NLE1: variants seen among roughly 807,000 people sequenced by gnomAD.
NLE1 encodes the protein notchless homolog 1, also known as notchless protein homolog 1.
Under a neutral mutation model 62.8 loss-of-function variants are expected in NLE1, and 37 were observed. The observed-to-expected ratio is 0.59, with a 90% CI of 0.45 to 0.78. The LOEUF (loss-of-function observed/expected upper bound fraction) is 0.78. Among genes scored for constraint, NLE1 ranks in the 30% least tolerant of loss-of-function variants. The probability of loss-of-function intolerance (pLI) is 0.00; values close to 1 mark genes in which losing one functional copy is unlikely to be tolerated. For synonymous variants in NLE1, 243 were observed against 253.0 expected (o/e 0.96, Z 0.37); for missense variants, 555 against 637.9 (o/e 0.87, Z 1.40).
chr17:35,136,992 A>G lies in NLE1; in HGVS notation c.828+9T>C. The G allele has an allele frequency of 6.3e-7, 1 of 1,586,766 alleles. No homozygotes were observed. The highest frequency in any genetic ancestry group is 8.6e-7 in the Non-Finnish European group (1 of 1,160,096). On this transcript the variant is annotated intron_variant, in intron 7 of 12. Coordinates refer to ENST00000442241, the MANE Select transcript of NLE1 (RefSeq NM_018096.5). ...TCTGGACTGGTTTCTGAACCCTCCC[A>G]GCACTTACGTCATGAGCTCTCCAGA...
Position 35,135,361 on chromosome 17 carries a change from TC to T in NLE1, c.1101del (p.Met368Ter). 1 of 1,614,184 alleles carries T rather than the reference TC, an allele frequency of 6.2e-7. No homozygotes were observed. Among genetic ancestry groups the T allele is most frequent in the Non-Finnish European group, 8.5e-7 (1 of 1,180,036 alleles). On this transcript the variant is annotated frameshift_variant, in exon 10 of 13. Transcript: ENST00000442241. LOFTEE classifies it high-confidence loss of function. ...TTGATGAGAGCTTGGTGTCCTGTCA[TC>T]CGAGTGAGAGGCTTTTTGTCCTCTG... ...SPAEDKKPLT[R>X]MTGHQALINQ...
rs1225821714 is a variant in NLE1 at position 35,142,281 on chromosome 17, GT to G, written c.-7del. The G allele has an allele frequency of 7.1e-6, 11 of 1,540,136 alleles. No individual in the cohort carries two copies. The highest frequency in any genetic ancestry group is 2.0e-5 in the Admixed American group (1 of 50,068). On this transcript the variant is annotated 5_prime_UTR_variant, in exon 1 of 13. Transcript: ENST00000442241. ...ACCGGCACTGCTGCCGCCATCCTGC[GT>G]CCCCACGTGGAGGAGAAAGAGCCCG... is the stretch of plus-strand genomic sequence containing the variant.
chr17:35,129,612 G>A lies in NLE1; in HGVS notation c.*2825C>T, dbSNP rs34615886. 2,374 of 1,614,114 alleles carry A rather than the reference G, an allele frequency of 1.5e-3. 17 individuals carry two copies. The African/African-American group carries it at 0.02, about 14-fold the overall frequency. On this transcript the variant is annotated 3_prime_UTR_variant, in exon 13 of 13. Transcript: ENST00000442241. The stretch of plus-strand genomic sequence containing the variant: ...AACACGTGTTACTGCCTCAGTGTCC[G>A]TGCAGCCAACACAGCTGGGGTGGGG...
chr17:35,139,148 G>GTA, intron 4 of NLE1, 87 bp downstream of exon 4: 1 of 1,149,960 alleles, frequency 8.7e-7, no homozygotes, highest in Non-Finnish European at 1.3e-6. Flanking sequence ...AGCTGTGACT[G>GTA]CACCACTGTA....
At position 35,139,279 on chromosome 17, in the gene NLE1, C is replaced by T. The variant is rs768286353; in HGVS notation, c.416G>A (p.Arg139His). 11 of 1,613,906 alleles carry T rather than the reference C, an allele frequency of 6.8e-6. No individual in the cohort carries two copies. Among genetic ancestry groups the T allele is most frequent in the South Asian group, 6.6e-5 (6 of 91,084 alleles). Reference protein sequence around the residue: ...LASGSGDTTVRFWDLSTETPH... With the variant: ...LASGSGDTTVHFWDLSTETPH... ...TGTCTCTGTGCTGAGATCCCAGAAG[C>T]GCACGGTGGTGTCTCCAGAGCCACT... The change falls in exon 4 of 13, where the codon CGC becomes CAC. Residue 139 changes from arginine to histidine, a missense_variant. Transcript: ENST00000442241.
At position 35,137,112 on chromosome 17, in the gene NLE1, C is replaced by T. The variant is rs2091913882; in HGVS notation, c.717G>A (p.Glu239=). Residue 239 remains glutamate, a synonymous_variant, in exon 7 of 13, where the codon GAG becomes GAA. Transcript: ENST00000442241. ...RIWDTTAGRC[E]RILTGHTQSV... ...ACTGGGTGTGCCCGGTGAGGATGCG[C>T]TCACAGCGGCCTGCAGTTGTGTCCC... 5 of 1,613,966 alleles carry T rather than the reference C, an allele frequency of 3.1e-6. No homozygotes were observed. The highest frequency in any genetic ancestry group is 4.2e-6 in the Non-Finnish European group (5 of 1,179,976).
At chr17:35,134,880 C>T (rs2091899026) in intron 10 of NLE1, 11 of 368,154 alleles carry the variant, frequency 3.0e-5, no homozygotes, top group South Asian at 1.8e-4. Flanking sequence ...GGTGAAACCC[C>T]GTCTCAACTA....
chr17:35,139,127 G>T, intron 4 of NLE1, 108 bp downstream of exon 4: 1 of 896,328 alleles, frequency 1.1e-6, no homozygotes, highest in Non-Finnish European at 1.7e-6. Flanking sequence ...TTGAGCCCAG[G>T]AGTTCAAGTG....
At chr17:35,138,469 A>C (rs963791661) in intron 4 of NLE1, among the ~76,000 whole-genome samples, 8 of 151,668 alleles carry the variant, frequency 5.3e-5, no homozygotes, top group African/African-American at 1.9e-4. Flanking sequence ...TCTTTCATGG[A>C]GTCACACTCC....
intron 5 of NLE1, 38 bp downstream of exon 5, chr17:35,137,776 C>T (rs1345670284): frequency 6.5e-6 from 10 of 1,544,620 alleles, no homozygotes; most frequent in Non-Finnish European, 8.9e-6. Flanking sequence ...AGGAAGGCCC[C>T]CTTGAGTCTC....
intron 2 of NLE1, among the ~76,000 whole-genome samples, chr17:35,141,601 T>C (rs2091944447): frequency 6.8e-6 from 1 of 147,948 alleles, no homozygotes; most frequent in African/African-American, 2.5e-5. Flanking sequence ...AAAGCATGGG[T>C]ATTCGGATAG....
At chr17:35,137,313 G>T in intron 6 of NLE1, 120 bp from the exon 7 acceptor site, 1 of 1,016,922 alleles carries the variant, frequency 9.8e-7, no homozygotes, top group Non-Finnish European at 1.4e-6. Flanking sequence ...CTGACACCAA[G>T]ACCCGGCTGC....
At position 35,130,116 on chromosome 17, in the gene NLE1, T is replaced by C. The variant is rs1470294406; in HGVS notation, c.*2321A>G. 1.4e-6 allele frequency: 2 copies of C among 1,438,950 alleles called. No homozygotes were observed. The highest frequency in any genetic ancestry group is 1.8e-6 in the Non-Finnish European group (2 of 1,101,868). 89.1% of individuals were successfully genotyped at this position (1,438,950 alleles called of 1,614,324 possible). On this transcript the variant is annotated 3_prime_UTR_variant, in exon 13 of 13. Coordinates refer to ENST00000442241, the MANE Select transcript of NLE1 (RefSeq NM_018096.5). The stretch of plus-strand genomic sequence containing the variant: ...TATCCCATAATGAGGAGGTACAGGC[T>C]TGAGTCATGCATCTTTGCACCTGTT...
chr17:35,136,336 C>T (rs753212258), intron 8 of NLE1, 26 bp downstream of exon 8: 31 of 1,610,194 alleles, frequency 1.9e-5, no homozygotes, highest in African/African-American at 9.4e-5. Flanking sequence ...AATCAGCCCC[C>T]GCTCTTCCTT....
At chr17:35,137,772 G>A (rs1011809696) in intron 5 of NLE1, 42 bp downstream of exon 5, 2 of 1,499,152 alleles carry the variant, frequency 1.3e-6, no homozygotes, top group African/African-American at 1.4e-5. Flanking sequence ...TCCTAGGAAG[G>A]CCCCCTTGAG....
Position 35,137,592 on chromosome 17 carries a change from C to T in NLE1, c.586G>A (p.Ala196Thr), listed in dbSNP as rs368427335. 54 of 1,610,564 alleles carry T rather than the reference C, an allele frequency of 3.4e-5. No homozygotes were observed. The highest frequency in any genetic ancestry group is 3.3e-4 in the Middle Eastern group (2 of 6,074). ...CCTGTGATCCACTTGCTGTGGCCAG[C>T]GAGGGTCCTGCCCACCTGCTTCCCT... The part of the protein sequence containing the change: ...STGKQVGRTL[A>T]GHSKWITGLS... Residue 196 changes from alanine to threonine, a missense_variant, in exon 6 of 13, where the codon GCT becomes ACT. Coordinates refer to ENST00000442241, the MANE Select transcript of NLE1 (RefSeq NM_018096.5).
chr17:35,138,385 A>G (rs371495907), intron 4 of NLE1, among the ~76,000 whole-genome samples: 42 of 152,262 alleles, frequency 2.8e-4, no homozygotes, highest in African/African-American at 6.7e-4. Context: ...CCCAGGCCCA[A>G]TAGAACTAAA....
rs766331515 is a variant in NLE1, at chr17:35,133,433, C to T, written c.1280G>A (p.Arg427Gln). ...GTCACTGCTGCCGCTGACCAGGAGCCGACTGTCAGCTGACCACGCAATCTG... is the reference window on the plus strand; with the variant it reads ...GTCACTGCTGCCGCTGACCAGGAGCTGACTGTCAGCTGACCACGCAATCTG... The part of the protein sequence containing the change: ...VYQIAWSADS[R>Q]LLVSGSSDST... Residue 427 changes from arginine to glutamine, a missense_variant, in exon 11 of 13, where the codon CGG becomes CAG. Coordinates refer to ENST00000442241, the MANE Select transcript of NLE1 (RefSeq NM_018096.5). 9.3e-6 allele frequency: 15 copies of T among 1,613,976 alleles called. No individual in the cohort carries two copies. Among genetic ancestry groups the T allele is most frequent in the African/African-American group, 1.3e-5 (1 of 74,918 alleles).
intron 10 of NLE1, 92 bp from the exon 11 acceptor site, chr17:35,133,590 A>C: frequency 8.2e-7 from 1 of 1,220,016 alleles, no homozygotes; most frequent in Non-Finnish European, 1.1e-6. Context: ...AGTGGTTCTC[A>C]ACCTCGGCTG....
Sources: gnomAD v4.1 joint callset for allele counts (sites outside exome capture counted in the v4.1 genomes callset) on GRCh38, gnomAD v4.1.1 for gene constraint, MANE v1.5 for transcripts, NCBI Gene and HGNC (gene_info 2026-07-23, HGNC 2026-07-21) for gene names.